Variants in UTRN observed in about 807,000 individuals in gnomAD.
UTRN encodes the protein dystrophin-related protein 1.
UTRN carries 283 observed loss-of-function variants against 463.9 expected under a neutral mutation model. That is an observed-to-expected ratio of 0.61 (90% CI 0.55 to 0.67). The LOEUF (loss-of-function observed/expected upper bound fraction) is 0.67, where lower values mean the gene tolerates loss of function less well. Among genes scored for constraint, UTRN ranks in the 30% least tolerant of loss-of-function variants. The pLI is 0.00. For synonymous variants in UTRN, 1,442 were observed against 1,431.5 expected (o/e 1.01, Z -0.17); for missense variants, 3,922 against 4,084.3 (o/e 0.96, Z 1.08).
chr6:144,420,757 C>T (rs572061086), intron 3 of UTRN, among the ~76,000 whole-genome samples: 13 of 152,252 alleles, frequency 8.5e-5, no homozygotes, highest in African/African-American at 3.1e-4. Flanking sequence ...GACCAAATCA[C>T]GTACTCCCAT....
At chr6:144,660,758 G>A (rs780310699) in intron 51 of UTRN, among the ~76,000 whole-genome samples, 1 of 152,124 alleles carries the variant, frequency 6.6e-6, no homozygotes, top group Non-Finnish European at 1.5e-5. Context: ...GGCAGAAGTC[G>A]CTTCACAGTG....
chr6:144,412,788 CACAGT>C (rs1387137825), intron 3 of UTRN, among the ~76,000 whole-genome samples: 2 of 149,366 alleles, frequency 1.3e-5, no homozygotes, highest in African/African-American at 5.0e-5. Flanking sequence ...CACACACACA[CACAGT>C]AAACAATGGG....
chr6:144,516,216 T>C lies in UTRN; in HGVS notation c.5245-13T>C. ...TAAAAATCTATTTTCAGAGAATTCT[T>C]TTCCTTCTACAGTTGCTAATTGCTC... On this transcript the variant is annotated splice_polypyrimidine_tract_variant and intron_variant, in intron 37 of 74. Transcript: ENST00000367545. 1.9e-6 allele frequency: 3 copies of C among 1,606,466 alleles called. No homozygotes were observed. Among genetic ancestry groups the C allele is most frequent in the African/African-American group, 1.3e-5 (1 of 74,552 alleles).
intron 2 of UTRN, among the ~76,000 whole-genome samples, chr6:144,297,499 A>G (rs1485682103): frequency 6.6e-6 from 1 of 152,166 alleles, no homozygotes; most frequent in Non-Finnish European, 1.5e-5. Context: ...TTTTATGTTT[A>G]AAGCAGTATC....
chr6:144,826,778 G>A (rs530868130), intron 66 of UTRN, among the ~76,000 whole-genome samples: 2 of 152,174 alleles, frequency 1.3e-5, no homozygotes, highest in South Asian at 4.1e-4. Flanking sequence ...GTGGGATCTA[G>A]GGGTGGTATC....
At chr6:144,528,694 G>T (rs570710363) in intron 41 of UTRN, among the ~76,000 whole-genome samples, 1 of 152,234 alleles carries the variant, frequency 6.6e-6, no homozygotes, top group African/African-American at 2.4e-5. Flanking sequence ...ACCTGCTCTG[G>T]TGGAAGTAAC....
chr6:144,356,880 C>T (rs1277787096), intron 2 of UTRN, among the ~76,000 whole-genome samples: 1 of 3,968 alleles, frequency 2.5e-4, no homozygotes, highest in Non-Finnish European at 4.1e-4. Flanking sequence ...TGTATATATA[C>T]ATATGTGTGT....
intron 56 of UTRN, among the ~76,000 whole-genome samples, chr6:144,753,355 C>G (rs1791605634): frequency 1.3e-5 from 2 of 152,150 alleles, no homozygotes; most frequent in Non-Finnish European, 2.9e-5. Context: ...GGGCTCTTGC[C>G]TGTAATCCCA....
At chr6:144,696,629 A>G (rs1784030605) in intron 52 of UTRN, among the ~76,000 whole-genome samples, 1 of 152,072 alleles carries the variant, frequency 6.6e-6, no homozygotes, top group Non-Finnish European at 1.5e-5. Flanking sequence ...TTTCATTATA[A>G]CCCAATTTAT....
intron 61 of UTRN, among the ~76,000 whole-genome samples, chr6:144,786,213 C>T (rs17074194): frequency 0.026 from 3,916 of 152,210 alleles, 173 homozygotes; most frequent in African/African-American, 0.09. Flanking sequence ...TCTGGTCCCA[C>T]GTAACCTGTA....
rs1450182972 is a variant in UTRN, at chr6:144,601,158, C to G, written c.7479+23870C>G. ...CTCTGATGGAGAGTAATGCTATTTT[C>G]ATGCCTACTAACTCAGTATCCATTC... On this transcript the variant is annotated intron_variant, in intron 51 of 74. Coordinates refer to ENST00000367545, the MANE Select transcript of UTRN (RefSeq NM_007124.3). Among the ~76,000 whole-genome samples, 8 of 152,196 alleles carry G rather than the reference C, an allele frequency of 5.3e-5. No homozygotes were observed. The East Asian group carries it at 1.3e-3, about 26-fold the overall frequency.
chr6:144,751,887 C>T lies in UTRN; in HGVS notation c.8290C>T (p.Leu2764=). The change falls in exon 56 of 75, where the codon CTG becomes TTG. Residue 2764 remains leucine, a synonymous_variant. Coordinates refer to ENST00000367545, the MANE Select transcript of UTRN (RefSeq NM_007124.3). ...ATCCAGTCAGCTGTCTCCACTTGACCTGCATCCCTCTCTAAAGATGTCTCG... is the reference window on the plus strand; with the variant it reads ...ATCCAGTCAGCTGTCTCCACTTGACTTGCATCCCTCTCTAAAGATGTCTCG... ...DLSSQLSPLD[L]HPSLKMSRQL... The T allele has an allele frequency of 6.2e-7, 1 of 1,612,670 alleles. No individual in the cohort carries two copies. Among genetic ancestry groups the T allele is most frequent in the Non-Finnish European group, 8.5e-7 (1 of 1,179,314 alleles).
rs185806676 is a variant in UTRN, at chr6:144,587,422, A to G, written c.7479+10134A>G. Among the ~76,000 whole-genome samples the G allele has an allele frequency of 5.2e-4, 79 of 152,326 alleles. 1 individual carries two copies. In the East Asian group the frequency reaches 0.012, roughly 24 times the overall value. On this transcript the variant is annotated intron_variant, in intron 51 of 74. Coordinates refer to ENST00000367545, the MANE Select transcript of UTRN (RefSeq NM_007124.3). ...CATGTGTGGACGTGGACAACACAGA[A>G]CTATGTAGTTGCTTGTAGTGCTAAT...
At chr6:144,514,939 C>T (rs1183635204) in intron 37 of UTRN, 119 bp downstream of exon 37, 3 of 1,123,154 alleles carry the variant, frequency 2.7e-6, no homozygotes, top group African/African-American at 3.2e-5. Flanking sequence ...TGTTTTCTCT[C>T]TCTGTCACCG....
At chr6:144,492,112 A>G (rs974840797) in intron 32 of UTRN, among the ~76,000 whole-genome samples, 1 of 152,152 alleles carries the variant, frequency 6.6e-6, no homozygotes, top group Non-Finnish European at 1.5e-5. Flanking sequence ...GCTTCGACTG[A>G]ACCCATCACC....
chr6:144,459,058 C>A, intron 20 of UTRN, 47 bp downstream of exon 20: 1 of 1,569,812 alleles, frequency 6.4e-7, no homozygotes, highest in South Asian at 1.2e-5. Flanking sequence ...ATGTGCAGTT[C>A]CAGAGTTAAG....
intron 51 of UTRN, chr6:144,660,059 C>A (rs892017515): frequency 2.8e-6 from 1 of 360,432 alleles, no homozygotes; most frequent in Non-Finnish European, 5.7e-6. Context: ...TGTCCCAGCG[C>A]AAGCTGCCGC....
chr6:144,641,913 G>A (rs896126687), intron 51 of UTRN, among the ~76,000 whole-genome samples: 6 of 152,202 alleles, frequency 3.9e-5, no homozygotes, highest in Non-Finnish European at 7.3e-5. Context: ...CAATGCAAGT[G>A]TTTACATGAA....
intron 51 of UTRN, among the ~76,000 whole-genome samples, chr6:144,586,359 C>T (rs1435305110): frequency 2.6e-5 from 4 of 152,026 alleles, no homozygotes; most frequent in African/African-American, 4.8e-5. Flanking sequence ...GAAGCAAAAA[C>T]GTAAGTGCTG....
Sources: allele counts gnomAD v4.1 joint callset (sites outside exome capture counted in the v4.1 genomes callset), GRCh38; gene constraint gnomAD v4.1.1; transcripts MANE v1.5; gene names NCBI Gene and HGNC (gene_info 2026-07-23, HGNC 2026-07-21).